Variants in CIMAP1D observed in about 807,000 individuals in gnomAD.
CIMAP1D encodes the protein CIMAP1 family member D, also known as protein CIMAP1D.
chr19:475,986 A>ATTTTTTTT, the CIMAP1D span, among the ~76,000 whole-genome samples: 11 of 39,274 alleles, frequency 2.8e-4, 2 homozygotes, highest in Admixed American at 4.8e-4. Flanking sequence ...CGCCTGGCTA[A>ATTTTTTTT]TTTTTTTTTT....
At chr19:474,673 C>G in the CIMAP1D span, 1 of 1,582,016 alleles carries the variant, frequency 6.3e-7, no homozygotes, top group Non-Finnish European at 8.6e-7. Flanking sequence ...TCTCCGGAAT[C>G]TGGCCCTCCG....
the CIMAP1D span, among the ~76,000 whole-genome samples, chr19:465,427 G>GTGGA: frequency 7.9e-6 from 1 of 126,992 alleles, no homozygotes; most frequent in African/African-American, 3.2e-5. Flanking sequence ...TGATGGGTAG[G>GTGGA]TGAGTAGATG....
At chr19:485,171 G>A in the CIMAP1D span, among the ~76,000 whole-genome samples, 2 of 152,146 alleles carry the variant, frequency 1.3e-5, no homozygotes, top group East Asian at 1.9e-4. Context: ...TGTTTATGGA[G>A]GGTCATTGCC....
chr19:491,339 AAC>A, the CIMAP1D span, among the ~76,000 whole-genome samples: 4 of 152,070 alleles, frequency 2.6e-5, no homozygotes, highest in Non-Finnish European at 5.9e-5. Flanking sequence ...ACGTCGTGTA[AAC>A]ACCAGCTCTC....
chr19:488,509 G>T, the CIMAP1D span, among the ~76,000 whole-genome samples: 7 of 152,210 alleles, frequency 4.6e-5, no homozygotes, highest in Non-Finnish European at 1.0e-4. Flanking sequence ...GCGACAGAGC[G>T]AGACTCCGTC....
the CIMAP1D span, among the ~76,000 whole-genome samples, chr19:467,084 A>G: frequency 2.3e-5 from 2 of 87,468 alleles, no homozygotes; most frequent in African/African-American, 5.3e-5. Flanking sequence ...TGGATGGATG[A>G]GTGGATGGAC....
chr19:486,305 C>T, the CIMAP1D span, among the ~76,000 whole-genome samples: 6 of 152,180 alleles, frequency 3.9e-5, no homozygotes, highest in Admixed American at 2.0e-4. Context: ...TTGGTCCCTC[C>T]GGACTCAGCC....
the CIMAP1D span, among the ~76,000 whole-genome samples, chr19:486,843 G>A: frequency 6.6e-6 from 1 of 152,036 alleles, no homozygotes; most frequent in African/African-American, 2.4e-5. Context: ...GAACCCGGGA[G>A]GCGGAGCTTG....
At chr19:467,671 C>T in the CIMAP1D span, 2 of 1,612,014 alleles carry the variant, frequency 1.2e-6, no homozygotes, top group Admixed American at 1.7e-5. Flanking sequence ...CCCGGCCCTG[C>T]ATGGAGTAGG....
the CIMAP1D span, among the ~76,000 whole-genome samples, chr19:469,808 C>G: frequency 1.3e-5 from 2 of 152,208 alleles, no homozygotes; most frequent in African/African-American, 4.8e-5. Flanking sequence ...CTGTGCAGGG[C>G]TTAGCCATCA....
chr19:485,186 T>C, the CIMAP1D span, among the ~76,000 whole-genome samples: 13 of 152,162 alleles, frequency 8.5e-5, no homozygotes, highest in Non-Finnish European at 1.8e-4. Flanking sequence ...ATTGCCGTGC[T>C]CTACCACGTA....
the CIMAP1D span, among the ~76,000 whole-genome samples, chr19:485,422 A>C: frequency 6.6e-6 from 1 of 152,256 alleles, no homozygotes; most frequent in African/African-American, 2.4e-5. Flanking sequence ...ATGAAGCTCT[A>C]CAATAGTCCA....
the CIMAP1D span, among the ~76,000 whole-genome samples, chr19:465,157 G>A: frequency 2.0e-5 from 3 of 149,512 alleles, no homozygotes; most frequent in Admixed American, 6.7e-5. Flanking sequence ...GTGGGTGGGT[G>A]GATGGCTGGG....
the CIMAP1D span, among the ~76,000 whole-genome samples, chr19:469,811 A>G: frequency 0.21 from 31,814 of 152,152 alleles, 6,450 homozygotes; most frequent in African/African-American, 0.51. Context: ...TGCAGGGCTT[A>G]GCCATCAGGA....
the CIMAP1D span, among the ~76,000 whole-genome samples, chr19:479,398 C>CT: frequency 3.4e-3 from 268 of 78,930 alleles, 11 homozygotes; most frequent in African/African-American, 9.7e-3. Flanking sequence ...TTCTTTTTCT[C>CT]TTTTTTTTTT....
the CIMAP1D span, among the ~76,000 whole-genome samples, chr19:480,681 A>AAGGATGATGGG: frequency 3.5e-5 from 3 of 85,154 alleles, no homozygotes; most frequent in African/African-American, 6.3e-5. Flanking sequence ...AGGATGATGG[A>AAGGATGATGGG]GAACGATGAT....
chr19:476,144 A>G, the CIMAP1D span, among the ~76,000 whole-genome samples: 1 of 151,644 alleles, frequency 6.6e-6, no homozygotes, highest in Admixed American at 6.6e-5. Flanking sequence ...GATTACAGGC[A>G]TGCACCACCA....
the CIMAP1D span, among the ~76,000 whole-genome samples, chr19:486,896 A>G: frequency 2.9e-4 from 44 of 152,164 alleles, no homozygotes; most frequent in Admixed American, 2.6e-3. Flanking sequence ...CCTGGGCGAC[A>G]GAGCAAGACT....
the CIMAP1D span, chr19:474,534 TG>T: frequency 7.8e-7 from 1 of 1,286,488 alleles, no homozygotes; most frequent in African/African-American, 1.5e-5. Context: ...TGCCTCCTGC[TG>T]GGCTCCCAGA....
Sources: allele counts gnomAD v4.1 joint callset (sites outside exome capture counted in the v4.1 genomes callset), GRCh38; gene constraint gnomAD v4.1.1; transcripts MANE v1.5; gene names NCBI Gene and HGNC (gene_info 2026-07-23, HGNC 2026-07-21).